Variants in CLVS1 observed in about 807,000 individuals in gnomAD.
CLVS1 encodes the protein clavesin 1.
In CLVS1, 10 loss-of-function variants were observed where a neutral mutation model predicts 33.1. That is an observed-to-expected ratio of 0.30 (90% confidence interval 0.19 to 0.51). The LOEUF (loss-of-function observed/expected upper bound fraction) is 0.51, where lower values mean the gene tolerates loss of function less well. Ranked by LOEUF, CLVS1 falls within the 20% of genes least tolerant of loss-of-function variation. CLVS1 has a pLI of 0.97. For synonymous variants in CLVS1, 163 were observed against 166.1 expected (o/e 0.98, Z 0.14); for missense variants, 343 against 433.4 (o/e 0.79, Z 1.85).
chr8:61,085,886 T>C (rs923125317), intron 1 of CLVS1, among the ~76,000 whole-genome samples: 1 of 151,226 alleles, frequency 6.6e-6, no homozygotes, highest in African/African-American at 2.4e-5. Flanking sequence ...TAGCCGGGTA[T>C]GGTGGCGGGC....
intron 5 of CLVS1, among the ~76,000 whole-genome samples, chr8:61,467,274 G>A (rs903863187): frequency 2.3e-4 from 35 of 152,110 alleles, no homozygotes; most frequent in African/African-American, 7.7e-4. Context: ...AAGTGATGGC[G>A]GGTGCCCTTG....
intron 1 of CLVS1, among the ~76,000 whole-genome samples, chr8:61,080,065 A>G (rs558234874): frequency 2.6e-5 from 4 of 152,204 alleles, no homozygotes; most frequent in Non-Finnish European, 5.9e-5. Flanking sequence ...GTGGGCACTA[A>G]ATTTTATCTA....
intron 5 of CLVS1, among the ~76,000 whole-genome samples, chr8:61,474,159 C>T (rs1281049732): frequency 1.3e-5 from 2 of 152,104 alleles, no homozygotes; most frequent in East Asian, 1.9e-4. Context: ...ACACCATTCT[C>T]CAACATGGAG....
At position 61,357,501 on chromosome 8, in the gene CLVS1, T is replaced by C. The variant is rs1368448243; in HGVS notation, c.456-19104T>C. Reference sequence around the variant, plus strand: ...TTCTTTCCTTTTTCTTTTCTTTTTTTTTTTTTTTTTTTTTTTTTTTTGAGA... The same window carrying C: ...TTCTTTCCTTTTTCTTTTCTTTTTTCTTTTTTTTTTTTTTTTTTTTTGAGA... On this transcript the variant is annotated intron_variant, in intron 2 of 5. Transcript: ENST00000325897. Among the ~76,000 whole-genome samples, 609 of 99,246 alleles carry C rather than the reference T, an allele frequency of 6.1e-3. 5 individuals carry two copies. The highest frequency in any genetic ancestry group is 0.024 in the African/African-American group (557 of 23,412). 65.1% of individuals were successfully genotyped at this position (99,246 alleles called of 152,430 possible).
chr8:61,155,802 GA>G (rs1247126336), intron 2 of CLVS1, among the ~76,000 whole-genome samples: 2 of 150,098 alleles, frequency 1.3e-5, no homozygotes, highest in Non-Finnish European at 2.9e-5. Context: ...GAACTCACAA[GA>G]AAAGGAGACT....
chr8:61,408,312 A>C (rs1297824653), intron 3 of CLVS1, among the ~76,000 whole-genome samples: 1 of 152,252 alleles, frequency 6.6e-6, no homozygotes, highest in Non-Finnish European at 1.5e-5. Context: ...GCAGACATGC[A>C]AAGAACCAGG....
chr8:61,449,484 A>T (rs182460924), intron 3 of CLVS1, among the ~76,000 whole-genome samples: 4 of 152,182 alleles, frequency 2.6e-5, no homozygotes, highest in African/African-American at 9.7e-5. Flanking sequence ...ATCTTGTTAC[A>T]GCCTTGCTAG....
At chr8:61,026,508 C>T in the CLVS1 span, among the ~76,000 whole-genome samples, 1 of 152,190 alleles carries the variant, frequency 6.6e-6, no homozygotes, top group South Asian at 2.1e-4. Flanking sequence ...TTTAGAAGAG[C>T]CTGCAGGCAG....
chr8:61,202,685 G>A, intron 2 of CLVS1: 1 of 1,540,300 alleles, frequency 6.5e-7, no homozygotes, highest in Non-Finnish European at 8.9e-7. Context: ...GTGCATATTA[G>A]TGGACAGCAC....
chr8:61,097,239 C>T (rs1030405454), intron 1 of CLVS1, among the ~76,000 whole-genome samples: 1 of 151,602 alleles, frequency 6.6e-6, no homozygotes, highest in Admixed American at 6.6e-5. Flanking sequence ...TTGCAGTGAG[C>T]CGAGATCGCA....
At chr8:61,287,903 A>G (rs1022252113), upstream of CLVS1, 5 of 351,302 alleles carry the variant, frequency 1.4e-5, no homozygotes, top group Middle Eastern at 1.0e-3. Flanking sequence ...GGGTTGTGGT[A>G]CGGAGGCATT....
chr8:61,122,566 GAA>G (rs1344140370), intron 1 of CLVS1, among the ~76,000 whole-genome samples: 26 of 84,740 alleles, frequency 3.1e-4, no homozygotes, highest in African/African-American at 1.2e-3. Context: ...CCTATATTAA[GAA>G]AACACACACA....
intron 1 of CLVS1, among the ~76,000 whole-genome samples, chr8:61,120,917 G>A (rs1185727883): frequency 1.3e-5 from 2 of 148,272 alleles, no homozygotes; most frequent in East Asian, 2.0e-4. Flanking sequence ...CCAGCTTCCT[G>A]GCTGCTTTGT....
chr8:61,085,512 G>T (rs1467791419), intron 1 of CLVS1, among the ~76,000 whole-genome samples: 1 of 151,892 alleles, frequency 6.6e-6, no homozygotes, highest in Non-Finnish European at 1.5e-5. Flanking sequence ...GATATAAGGA[G>T]AAAAAAAGCC....
chr8:61,386,457 A>G (rs1389938913), intron 3 of CLVS1, among the ~76,000 whole-genome samples: 1 of 152,206 alleles, frequency 6.6e-6, no homozygotes, highest in Admixed American at 6.5e-5. Flanking sequence ...AACAATTAGA[A>G]TGCAGTATTG....
At chr8:61,463,563 A>G (rs1759786809) in intron 5 of CLVS1, among the ~76,000 whole-genome samples, 2 of 152,172 alleles carry the variant, frequency 1.3e-5, no homozygotes, top group African/African-American at 4.8e-5. Context: ...ACCTAGTTGC[A>G]ATACTGTTGT....
At chr8:60,966,613 G>A in the CLVS1 span, 1 of 239,210 alleles carries the variant, frequency 4.2e-6, no homozygotes, top group African/African-American at 2.2e-5. Flanking sequence ...GGAGTTGGAG[G>A]GAACTTAGGT....
At chr8:61,394,833 C>G (rs1487345107) in intron 3 of CLVS1, among the ~76,000 whole-genome samples, 2 of 152,036 alleles carry the variant, frequency 1.3e-5, no homozygotes, top group African/African-American at 4.8e-5. Context: ...TCTCCACATC[C>G]TCACCAACAC....
chr8:61,351,007 G>T (rs914818407), intron 2 of CLVS1, among the ~76,000 whole-genome samples: 8 of 152,092 alleles, frequency 5.3e-5, no homozygotes, highest in African/African-American at 1.9e-4. Flanking sequence ...ACCGTGCTTG[G>T]TCAGAAACTT....
Sources: gnomAD v4.1 joint callset for allele counts (sites outside exome capture counted in the v4.1 genomes callset) on GRCh38, gnomAD v4.1.1 for gene constraint, MANE v1.5 for transcripts, NCBI Gene and HGNC (gene_info 2026-07-23, HGNC 2026-07-21) for gene names.